Variants in B4GALT4 observed in about 807,000 individuals in gnomAD.
B4GALT4 encodes beta-1,4-galactosyltransferase 4.
B4GALT4 carries 27 observed loss-of-function variants against 37.3 expected under a neutral mutation model. That is an observed-to-expected ratio of 0.72 (90% confidence interval 0.53 to 1.00). The LOEUF (loss-of-function observed/expected upper bound fraction) is 1.00, where lower values mean the gene tolerates loss of function less well. B4GALT4 is among the 50% of genes least tolerant of loss of function. B4GALT4 has a pLI of 0.00. For missense variants in B4GALT4, 372 were observed against 413.1 expected (o/e 0.90, Z 0.86); for synonymous variants, 148 against 154.1 (o/e 0.96, Z 0.29).
chr3:119,237,266 C>T (rs1444067394), intron 1 of B4GALT4, among the ~76,000 whole-genome samples, 196 bp from the exon 2 acceptor site: 1 of 116,164 alleles, frequency 8.6e-6, no homozygotes, highest in African/African-American at 3.6e-5. Context: ...GGCACCTCAC[C>T]GTAAACCTTA....
chr3:119,222,616 C>T (rs1348364706), intron 5 of B4GALT4, among the ~76,000 whole-genome samples: 2 of 152,210 alleles, frequency 1.3e-5, no homozygotes, highest in Non-Finnish European at 2.9e-5. Context: ...AGAAGGCCTG[C>T]GTAATCTGGC....
At chr3:119,217,829 C>A (rs1424787128) in intron 6 of B4GALT4, among the ~76,000 whole-genome samples, 7 of 114,226 alleles carry the variant, frequency 6.1e-5, no homozygotes, top group African/African-American at 1.7e-4. Context: ...GGTGACAGAG[C>A]GAGACTTTGT....
At position 119,225,705 on chromosome 3, in the gene B4GALT4, G is replaced by A. The variant is rs1033067206; in HGVS notation, c.486+1104C>T. 4.6e-5 allele frequency among the ~76,000 whole-genome samples: 7 copies of A among 152,108 alleles called. No homozygotes were observed. The East Asian group carries it at 5.8e-4, about 13-fold the overall frequency. ...TGGCCTCCCAAAGTGCTGAGCCACC[G>A]GGCCTGGCCCAAAGCAAACATGTTT... is the stretch of plus-strand genomic sequence containing the variant. On this transcript the variant is annotated intron_variant, in intron 4 of 7. Transcript: ENST00000393765.
At chr3:119,217,890 A>C (rs933668180) in intron 6 of B4GALT4, among the ~76,000 whole-genome samples, 1 of 151,760 alleles carries the variant, frequency 6.6e-6, no homozygotes, top group African/African-American at 2.4e-5. Context: ...AGAGGCAACA[A>C]GCAGGAGGGA....
chr3:119,238,648 CTTATAAG>C (rs2079057001), intron 1 of B4GALT4, among the ~76,000 whole-genome samples: 1 of 152,044 alleles, frequency 6.6e-6, no homozygotes, highest in African/African-American at 2.4e-5. Context: ...CTGTGCCTAA[CTTATAAG>C]TTATACTTTA....
intron 1 of B4GALT4, among the ~76,000 whole-genome samples, chr3:119,237,724 G>C (rs2079025536): frequency 6.6e-6 from 1 of 152,198 alleles, no homozygotes; most frequent in African/African-American, 2.4e-5. Context: ...AAATGTATTT[G>C]AAAGGTTTTT....
In B4GALT4 at chr3:119,228,565, G is replaced by A. The variant is rs147406079; in HGVS notation, c.253+1282C>T. On this transcript the variant is annotated intron_variant, in intron 3 of 7. Coordinates refer to ENST00000393765, the MANE Select transcript of B4GALT4 (RefSeq NM_003778.4). Reference sequence around the variant, plus strand: ...CATTTCCCTGACTCATTTTTACATCGCAGCTTGTATAATCTGTGAAGGAAT... The same window carrying A: ...CATTTCCCTGACTCATTTTTACATCACAGCTTGTATAATCTGTGAAGGAAT... Among the ~76,000 whole-genome samples the A allele has an allele frequency of 1.6e-4, 24 of 152,290 alleles. No individual in the cohort carries two copies. In the East Asian group the frequency reaches 3.3e-3, roughly 21 times the overall value.
Position 119,211,837 on chromosome 3 carries a change from C to T in B4GALT4, c.*712G>A. On this transcript the variant is annotated 3_prime_UTR_variant, in exon 8 of 8. Transcript: ENST00000393765. ...ACTGCTAATTCATATCCTACTTGTACAAAATCATTTTACAAAAACTCTTTA... is the reference window on the plus strand; with the variant it reads ...ACTGCTAATTCATATCCTACTTGTATAAAATCATTTTACAAAAACTCTTTA... 3.3e-6 allele frequency: 1 copy of T among 303,224 alleles called. No homozygotes were observed. The highest frequency in any genetic ancestry group is 6.1e-6 in the Non-Finnish European group (1 of 164,536). The allele number at this position is 303,224 out of a possible 1,614,324, so 18.8% of individuals were successfully genotyped here.
intron 7 of B4GALT4, 188 bp from the exon 8 acceptor site, chr3:119,212,869 A>T (rs1484967619): frequency 1.8e-6 from 1 of 567,520 alleles, no homozygotes; most frequent in Non-Finnish European, 3.0e-6. Flanking sequence ...CATGTGTCAG[A>T]CTCCACGTGA....
At chr3:119,212,722 CAT>C (rs755739155) in intron 7 of B4GALT4, 41 bp from the exon 8 acceptor site, 4 of 1,535,100 alleles carry the variant, frequency 2.6e-6, no homozygotes, top group Admixed American at 2.1e-5. Flanking sequence ...AAGAATTTAA[CAT>C]ATGTCTCCAC....
intron 6 of B4GALT4, among the ~76,000 whole-genome samples, chr3:119,217,573 GCTCACACCTGTAATCC>G (rs1401128476): frequency 3.9e-5 from 6 of 152,174 alleles, no homozygotes; most frequent in Non-Finnish European, 8.8e-5. Flanking sequence ...AGGCACAGTG[GCTCACACCTGTAATCC>G]CAACACTTTG....
In B4GALT4 at chr3:119,216,298, C is replaced by T; in HGVS notation, c.844G>A (p.Gly282Ser). Residue 282 changes from glycine (G) to serine (S), a missense_variant, in exon 7 of 8, where the codon GGT becomes AGT. By Grantham distance (56) the Gly-to-Ser change is moderately conservative (BLOSUM62 0). Transcript: ENST00000393765. ...MKISRPLPEV[G>S]KYTMVFHTRD... ...GTGTGGAAGACCATTGTATATTTAC[C>T]CACTTCAGGCAGGGGCCGGGAAATT... The T allele has an allele frequency of 6.2e-7, 1 of 1,613,620 alleles. No homozygotes were observed. Among genetic ancestry groups the T allele is most frequent in the South Asian group, 1.1e-5 (1 of 90,986 alleles).
Position 119,240,604 on chromosome 3 carries a change from G to A in B4GALT4, c.-364+246C>T, listed in dbSNP as rs931881546. ...TCTGGCTCCCCCGGCCCGCAGCAGA[G>A]GCGGCGCCGCGCGGAACGCCAGCAC... is the stretch of plus-strand genomic sequence containing the variant. On this transcript the variant is annotated intron_variant, in intron 1 of 7. Coordinates refer to ENST00000393765, the MANE Select transcript of B4GALT4 (RefSeq NM_003778.4). The A allele has an allele frequency of 3.9e-5, 6 of 152,276 alleles. No homozygotes were observed. In the East Asian group the frequency reaches 1.2e-3, roughly 29 times the overall value. The allele number at this position is 152,276 out of a possible 1,614,324, so 9.4% of individuals were successfully genotyped here.
intron 5 of B4GALT4, among the ~76,000 whole-genome samples, chr3:119,223,511 C>T (rs1216210072): frequency 6.6e-6 from 1 of 152,188 alleles, no homozygotes; most frequent in Admixed American, 6.5e-5. Context: ...AATGAAGACA[C>T]AGATGATGGC....
intron 5 of B4GALT4, 66 bp downstream of exon 5, chr3:119,223,992 C>T: frequency 7.0e-7 from 1 of 1,419,494 alleles, no homozygotes; most frequent in Non-Finnish European, 9.3e-7. Flanking sequence ...GATGCTTGTT[C>T]CACCCAGTCT....
intron 7 of B4GALT4, 90 bp from the exon 8 acceptor site, chr3:119,212,771 T>A: frequency 3.2e-6 from 4 of 1,264,496 alleles, no homozygotes; most frequent in Non-Finnish European, 4.2e-6. Flanking sequence ...GCAAACATAT[T>A]TTTGTAAATT....
rs1172767658 is a variant in B4GALT4, at chr3:119,238,419, T to C, written c.-363-1349A>G. ...TTCTATTTCTTTTGTATCTTCTAAT[T>C]TTTCTAAAATGGAGTTTTCATCAAC... On this transcript the variant is annotated intron_variant, in intron 1 of 7. Transcript: ENST00000393765. Among the ~76,000 whole-genome samples, 3 of 152,250 alleles carry C rather than the reference T, an allele frequency of 2.0e-5. No homozygotes were observed. In the East Asian group the frequency reaches 5.8e-4, roughly 29 times the overall value.
chr3:119,228,028 C>T (rs2078679233), intron 3 of B4GALT4, among the ~76,000 whole-genome samples: 1 of 152,170 alleles, frequency 6.6e-6, no homozygotes, highest in Admixed American at 6.5e-5. Context: ...ATGCAAGACA[C>T]AGCAGTCAGT....
At chr3:119,226,589 T>C in intron 4 of B4GALT4, 1 of 547,232 alleles carries the variant, frequency 1.8e-6, no homozygotes, top group Non-Finnish European at 3.3e-6. Context: ...CTCCAGAGGT[T>C]CCTTTAAGGG....
Sources: allele counts gnomAD v4.1 joint callset (sites outside exome capture counted in the v4.1 genomes callset), GRCh38; gene constraint gnomAD v4.1.1; transcripts MANE v1.5; gene names NCBI Gene and HGNC (gene_info 2026-07-23, HGNC 2026-07-21).